The following CEP192 variants were observed in gnomAD, a reference collection of about 807,000 sequenced individuals.
CEP192 encodes centrosomal protein 192, also known as centrosomal protein of 192 kDa.
Under a neutral mutation model 271.8 loss-of-function variants are expected in CEP192, and 151 were observed. The ratio of observed to expected loss-of-function variants is 0.56; its 90% CI spans 0.49 to 0.64. The LOEUF (loss-of-function observed/expected upper bound fraction) is 0.64, where lower values mean the gene tolerates loss of function less well. Among genes scored for constraint, CEP192 ranks in the 30% least tolerant of loss-of-function variants. The pLI is 0.00. For synonymous variants in CEP192, 995 were observed against 1,076.5 expected, an observed-to-expected ratio of 0.92 and a Z score of 1.48; for missense variants, 2,910 against 3,020.5, an observed-to-expected ratio of 0.96 and a Z score of 0.86.
intron 32 of CEP192, among the ~76,000 whole-genome samples, chr18:13,088,581 T>C (rs1383705570): frequency 6.6e-6 from 1 of 152,254 alleles, no homozygotes; most frequent in African/African-American, 2.4e-5. Flanking sequence ...GCTTCCTAGA[T>C]TAAAGGACCT....
chr18:13,042,112 G>A (rs927663252), intron 14 of CEP192, 92 bp from the exon 15 acceptor site: 11 of 1,018,414 alleles, frequency 1.1e-5, no homozygotes, highest in Admixed American at 4.9e-5. Flanking sequence ...ATCTTCCTTG[G>A]TAAATTAGTC....
At chr18:13,042,425 C>T (rs2036260171) in intron 15 of CEP192, 91 bp downstream of exon 15, 3 of 1,293,636 alleles carry the variant, frequency 2.3e-6, no homozygotes, top group South Asian at 2.7e-5. Context: ...AAAATTTATG[C>T]CGTTTAACAT....
At chr18:13,021,887 T>G (rs1036819960) in intron 9 of CEP192, among the ~76,000 whole-genome samples, 1 of 152,226 alleles carries the variant, frequency 6.6e-6, no homozygotes, top group African/African-American at 2.4e-5. Flanking sequence ...ATTGCTTTCT[T>G]AATTTACATT....
rs1305067431 is a variant in CEP192 at position 13,092,388 on chromosome 18, C to T, written c.6115C>T (p.Pro2039Ser). Residue 2039 changes from proline (P) to serine (S), a missense_variant, in exon 34 of 45, where the codon CCC becomes TCC. Transcript: ENST00000506447. ...ELLVTEVYDLPQRPNDVQLFY... is the reference protein window; with the variant it reads ...ELLVTEVYDLSQRPNDVQLFY... ...ATTTTCTATTTCAGTATATGATCTTCCCCAACGACCTAATGATGTTCAGCT... is the reference window on the plus strand; with the variant it reads ...ATTTTCTATTTCAGTATATGATCTTTCCCAACGACCTAATGATGTTCAGCT... 35 of 1,592,600 alleles carry T rather than the reference C, an allele frequency of 2.2e-5. No homozygotes were observed. Among genetic ancestry groups the T allele is most frequent in the Non-Finnish European group, 2.9e-5 (34 of 1,167,250 alleles).
chr18:13,015,466 GT>G lies in CEP192; in HGVS notation c.640+19del. 3 of 1,549,598 alleles carry G rather than the reference GT, an allele frequency of 1.9e-6. No individual in the cohort carries two copies. The highest frequency in any genetic ancestry group is 2.6e-6 in the Non-Finnish European group (3 of 1,146,106). On this transcript the variant is annotated intron_variant, in intron 6 of 44. Transcript: ENST00000506447. Reference sequence around the variant, plus strand: ...TTCTTCTGGTACTGCAGAGTAACCTGTGTTTCCCTGGTCTTCACCTTGCCAC... The same window carrying G: ...TTCTTCTGGTACTGCAGAGTAACCTGGTTTCCCTGGTCTTCACCTTGCCAC...
chr18:13,097,098 A>G (rs1203200595), intron 36 of CEP192, among the ~76,000 whole-genome samples: 2 of 152,224 alleles, frequency 1.3e-5, no homozygotes, highest in Non-Finnish European at 2.9e-5. Flanking sequence ...ATGGTCAGGG[A>G]CACTCCAGAG....
chr18:13,104,568 C>T (rs1346770487), intron 39 of CEP192, among the ~76,000 whole-genome samples: 3 of 152,094 alleles, frequency 2.0e-5, no homozygotes, highest in African/African-American at 4.8e-5. Context: ...GCTATGATTA[C>T]GCCACTGCAC....
chr18:13,037,259 A>G lies in CEP192; in HGVS notation c.1557A>G (p.Ala519=). 7.5e-7 allele frequency: 1 copy of G among 1,341,162 alleles called. No individual in the cohort carries two copies. Among genetic ancestry groups the G allele is most frequent in the East Asian group, 2.5e-5 (1 of 39,670 alleles). 83.1% of individuals were successfully genotyped at this position (1,341,162 alleles called of 1,614,324 possible). The change falls in exon 12 of 45, where the codon GCA becomes GCG. Residue 519 remains alanine, a synonymous_variant. Coordinates refer to ENST00000506447, the MANE Select transcript of CEP192 (RefSeq NM_032142.4). ...AAGCTGAAGCATTTGATTTGATTGC[A>G]CAAGATGAAGAAGAATTTAATAAAG... The part of the protein sequence containing the change: ...RSGSEAFDLI[A]QDEEEFNKEH...
At chr18:12,999,851 A>G (rs1270275293) in intron 2 of CEP192, among the ~76,000 whole-genome samples, 2 of 108,818 alleles carry the variant, frequency 1.8e-5, no homozygotes, top group African/African-American at 3.4e-5. Context: ...TTTTTTGTCT[A>G]TAGTGTTTTG....
chr18:13,120,593 T>G (rs1429937985), intron 44 of CEP192, among the ~76,000 whole-genome samples: 1 of 152,248 alleles, frequency 6.6e-6, no homozygotes, highest in Non-Finnish European at 1.5e-5. Flanking sequence ...GGTGCATAGT[T>G]TATACTCTGA....
intron 19 of CEP192, 48 bp from the exon 20 acceptor site, chr18:13,057,537 G>T: frequency 6.3e-7 from 1 of 1,597,438 alleles, no homozygotes; most frequent in Non-Finnish European, 8.6e-7. Flanking sequence ...CTTATAATCA[G>T]GGGTTTGCTG....
chr18:13,007,586 G>C (rs2034064252), intron 3 of CEP192, among the ~76,000 whole-genome samples: 1 of 151,970 alleles, frequency 6.6e-6, no homozygotes. Context: ...ACTATGTATA[G>C]TCTTTCCACC....
At chr18:13,044,484 G>C (rs2036373671) in intron 15 of CEP192, among the ~76,000 whole-genome samples, 1 of 152,034 alleles carries the variant, frequency 6.6e-6, no homozygotes, top group Admixed American at 6.6e-5. Flanking sequence ...TTGTTCACTA[G>C]TTTTTTGTTC....
chr18:13,092,534 T>C lies in CEP192; in HGVS notation c.6254+7T>C. On this transcript the variant is annotated splice_region_variant and intron_variant, in intron 34 of 44. Transcript: ENST00000506447. ...CTAGCTTGGAATCTACAAGGTAAAA[T>C]AAATGAACAGAAATCTTTCACCAGA... is the stretch of plus-strand genomic sequence containing the variant. The C allele has an allele frequency of 6.3e-7, 1 of 1,586,186 alleles. No individual in the cohort carries two copies. Among genetic ancestry groups the C allele is most frequent in the Non-Finnish European group, 8.6e-7 (1 of 1,168,242 alleles).
Position 13,100,847 on chromosome 18 carries a change from C to G in CEP192, c.6871+335C>G, listed in dbSNP as rs1450407594. Among the ~76,000 whole-genome samples, 4 of 152,324 alleles carry G rather than the reference C, an allele frequency of 2.6e-5. No homozygotes were observed. The East Asian group carries it at 7.7e-4, about 29-fold the overall frequency. Reference sequence around the variant, plus strand: ...GACAGTGGGTGGAGCCTGGCTTCATCACTTACTCACGTGACATTGAGGCTC... The same window carrying G: ...GACAGTGGGTGGAGCCTGGCTTCATGACTTACTCACGTGACATTGAGGCTC... On this transcript the variant is annotated intron_variant, in intron 38 of 44. Coordinates refer to ENST00000506447, the MANE Select transcript of CEP192 (RefSeq NM_032142.4).
chr18:13,066,840 T>A (rs1012609439), intron 21 of CEP192, among the ~76,000 whole-genome samples: 1 of 152,330 alleles, frequency 6.6e-6, no homozygotes, highest in East Asian at 1.9e-4. Flanking sequence ...TCTACCACCT[T>A]GAGCGCAAGT....
Position 13,030,017 on chromosome 18 carries a change from T to A in CEP192, c.1390+15T>A. The A allele has an allele frequency of 6.6e-7, 1 of 1,504,938 alleles. No homozygotes were observed. Among genetic ancestry groups the A allele is most frequent in the South Asian group, 1.2e-5 (1 of 80,982 alleles). The allele number at this position is 1,504,938 out of a possible 1,614,324, so 93.2% of individuals were successfully genotyped here. On this transcript the variant is annotated intron_variant, in intron 10 of 44. Transcript: ENST00000506447. ...GAATAAAGACAGTAAGTGGACTTTT[T>A]AAAAAATAGAGTGAAAGAAATAGAT... is the stretch of plus-strand genomic sequence containing the variant.
At position 13,070,210 on chromosome 18, in the gene CEP192, T is replaced by G. The variant is rs1428601711; in HGVS notation, c.5174+354T>G. On this transcript the variant is annotated intron_variant, in intron 27 of 44. Coordinates refer to ENST00000506447, the MANE Select transcript of CEP192 (RefSeq NM_032142.4). ...TTTACTTGTCTCTCAAAACAGCCAC[T>G]CACATGTGCTTCAAAATTCCACAGC... Among the ~76,000 whole-genome samples, 4 of 152,124 alleles carry G rather than the reference T, an allele frequency of 2.6e-5. No homozygotes were observed. The East Asian group carries it at 7.7e-4, about 29-fold the overall frequency.
Position 13,072,795 on chromosome 18 carries a change from A to G in CEP192, c.5389A>G (p.Thr1797Ala), listed in dbSNP as rs779766863. The change falls in exon 29 of 45, where the codon ACT becomes GCT. Residue 1797 changes from threonine to alanine, a missense_variant. Thr to Ala is a moderately conservative substitution (Grantham distance 58, BLOSUM62 0). Coordinates refer to ENST00000506447, the MANE Select transcript of CEP192 (RefSeq NM_032142.4). ...TTTAAGAAATAATTCTGCATCTACA[A>G]CTCAACATTTACGACTGCTTATTAG... ...LALRNNSAST[T>A]QHLRLLIRGQ... The G allele has an allele frequency of 1.9e-6, 3 of 1,612,896 alleles. No individual in the cohort carries two copies. The highest frequency in any genetic ancestry group is 2.5e-6 in the Non-Finnish European group (3 of 1,178,884).
Sources: allele counts gnomAD v4.1 joint callset (sites outside exome capture counted in the v4.1 genomes callset), GRCh38; gene constraint gnomAD v4.1.1; transcripts MANE v1.5; gene names NCBI Gene and HGNC (gene_info 2026-07-23, HGNC 2026-07-21).